Variants in ANO3 observed in about 807,000 individuals in gnomAD.
The protein encoded by ANO3 is anoctamin-3.
A neutral mutation model predicts 144.8 loss-of-function variants in ANO3; 99 were observed. The ratio of observed to expected loss-of-function variants is 0.68; its 90% CI spans 0.58 to 0.81. The LOEUF (loss-of-function observed/expected upper bound fraction) is 0.81. Among genes scored for constraint, ANO3 ranks in the 30% least tolerant of loss-of-function variants. The pLI is 0.00. For synonymous variants in ANO3, 414 were observed against 392.6 expected (o/e 1.05, Z -0.64); for missense variants, 905 against 1,202.2 (o/e 0.75, Z 3.66).
intron 11 of ANO3, among the ~76,000 whole-genome samples, chr11:26,545,123 A>G (rs371477): frequency 0.71 from 108,036 of 151,838 alleles, 38,739 homozygotes; most frequent in East Asian, 0.84. Context: ...TAAAATTTGT[A>G]ACTACTTATT....
chr11:26,257,117 C>G (rs1853076917), intron 1 of ANO3, among the ~76,000 whole-genome samples: 2 of 151,810 alleles, frequency 1.3e-5, no homozygotes, highest in African/African-American at 4.8e-5. Flanking sequence ...TCATTAATAT[C>G]AATAAATATT....
rs368687328 is a variant in ANO3, at chr11:26,537,445, C to T, written c.1016C>T (p.Ala339Val). 15 of 1,613,432 alleles carry T rather than the reference C, an allele frequency of 9.3e-6. 1 individual carries two copies. The highest frequency in any genetic ancestry group is 8.3e-5 in the Admixed American group (5 of 59,996). Reference sequence around the variant, plus strand: ...ATAAACAATGGCTCATACATAGCAGCGTTTCCACCACATGAGGTAATTTTG... The same window carrying T: ...ATAAACAATGGCTCATACATAGCAGTGTTTCCACCACATGAGGTAATTTTG... ...KLINNGSYIA[A>V]FPPHEGAYKS... The change falls in exon 10 of 27, where the codon GCG (alanine) becomes GTG (valine). Residue 339 changes from alanine (A) to valine (V), a missense_variant. This residue lies in a region of ANO3 where 597 missense variants were observed against 865.1 expected (regional missense o/e 0.69). Transcript: ENST00000256737.
intron 1 of ANO3, among the ~76,000 whole-genome samples, chr11:26,252,177 A>G (rs988770865): frequency 1.3e-5 from 2 of 152,238 alleles, no homozygotes; most frequent in Non-Finnish European, 2.9e-5. Context: ...TGAAAAAGTC[A>G]CGTTATTTAA....
At chr11:26,505,031 AAAAAAAAAG>A (rs1388413282) in intron 4 of ANO3, among the ~76,000 whole-genome samples, 17 of 150,454 alleles carry the variant, frequency 1.1e-4, no homozygotes, top group Middle Eastern at 3.4e-3. Context: ...AAAAAAAAAA[AAAAAAAAAG>A]AAGAGAAAAG....
At chr11:26,428,545 C>T (rs758624166) in intron 1 of ANO3, among the ~76,000 whole-genome samples, 4 of 152,186 alleles carry the variant, frequency 2.6e-5, no homozygotes, top group Non-Finnish European at 2.9e-5. Context: ...TATATCTCAT[C>T]AAACTGTTTG....
At chr11:26,380,900 T>G (rs1856572572) in intron 1 of ANO3, among the ~76,000 whole-genome samples, 1 of 152,136 alleles carries the variant, frequency 6.6e-6, no homozygotes, top group South Asian at 2.1e-4. Context: ...GAGAATCACT[T>G]GAACCCAGGA....
chr11:26,624,445 A>G lies in ANO3; in HGVS notation c.1837-17A>G, dbSNP rs1439936752. 7 of 1,582,280 alleles carry G rather than the reference A, an allele frequency of 4.4e-6. No individual in the cohort carries two copies. In the South Asian group the frequency reaches 5.6e-5, roughly 13 times the overall value. ...AAGAGAGGAATAATGTTCACTATGT[A>G]TTCTCTTTTATTACAGGCTTATGAA... On this transcript the variant is annotated splice_polypyrimidine_tract_variant and intron_variant, in intron 17 of 26. Transcript: ENST00000256737.
At chr11:26,395,794 G>A (rs994455247) in intron 1 of ANO3, among the ~76,000 whole-genome samples, 29 of 151,900 alleles carry the variant, frequency 1.9e-4, no homozygotes, top group Non-Finnish European at 2.5e-4. Flanking sequence ...AAAAATTAAC[G>A]CAAGATAGAT....
At chr11:26,563,990 CATTA>C (rs917424297) in intron 14 of ANO3, among the ~76,000 whole-genome samples, 2 of 151,600 alleles carry the variant, frequency 1.3e-5, no homozygotes, top group African/African-American at 2.4e-5. Flanking sequence ...TTGAAGGACT[CATTA>C]ATTAGGTAGG....
intron 6 of ANO3, among the ~76,000 whole-genome samples, chr11:26,523,737 C>T (rs1428564635): frequency 1.3e-5 from 2 of 152,014 alleles, no homozygotes; most frequent in African/African-American, 4.8e-5. Context: ...TGACTTTCTC[C>T]ATTTTCTTTA....
chr11:26,372,951 C>T (rs954890716), intron 1 of ANO3, among the ~76,000 whole-genome samples: 3 of 151,686 alleles, frequency 2.0e-5, no homozygotes, highest in African/African-American at 7.3e-5. Context: ...AAAAAAAAAT[C>T]CCAAAAATAT....
At chr11:26,642,311 C>A (rs962193403) in intron 22 of ANO3, among the ~76,000 whole-genome samples, 2 of 150,752 alleles carry the variant, frequency 1.3e-5, no homozygotes, top group African/African-American at 4.9e-5. Context: ...TAATGCTGAA[C>A]CAGTTTCTTT....
chr11:26,332,217 TG>T lies in ANO3; in HGVS notation c.-58del. The T allele has an allele frequency of 1.2e-6, 2 of 1,614,050 alleles. No homozygotes were observed. ...CTTGGAGCGTCTAGAGTCTGGCTAC[TG>T]TTCCTCCGCCTCCCTCTCGGGCAGC... On this transcript the variant is annotated 5_prime_UTR_variant, in exon 1 of 27. Transcript: ENST00000256737.
chr11:26,654,197 T>A (rs181555205), intron 24 of ANO3, among the ~76,000 whole-genome samples: 23 of 152,326 alleles, frequency 1.5e-4, no homozygotes, highest in Admixed American at 1.0e-3. Flanking sequence ...TACCATTTTT[T>A]AAAAATTTGA....
At chr11:26,424,122 C>A (rs1857843601) in intron 1 of ANO3, among the ~76,000 whole-genome samples, 1 of 151,836 alleles carries the variant, frequency 6.6e-6, no homozygotes, top group African/African-American at 2.4e-5. Context: ...ACTCGGATTG[C>A]AGCAATAACT....
At position 26,385,903 on chromosome 11, in the gene ANO3, T is replaced by TATATATATATATA. The variant is rs58078292; in HGVS notation, c.46+53582_46+53583insATATATATATATA. The stretch of plus-strand genomic sequence containing the variant: ...AAGTTCTTTGTGTGTGTATATATAT[T>TATATATATATATA]TATATACATATTTACATGTATAAGC... On this transcript the variant is annotated intron_variant, in intron 1 of 26. Coordinates refer to ENST00000256737, the MANE Select transcript of ANO3 (RefSeq NM_031418.4). Among the ~76,000 whole-genome samples the TATATATATATATA allele has an allele frequency of 2.1e-3, 311 of 148,856 alleles. 3 individuals are homozygous for TATATATATATATA. The highest frequency in any genetic ancestry group is 7.2e-3 in the African/African-American group (285 of 39,592).
chr11:26,447,376 G>A (rs1418923301), intron 3 of ANO3, among the ~76,000 whole-genome samples: 1 of 152,054 alleles, frequency 6.6e-6, no homozygotes, highest in African/African-American at 2.4e-5. Context: ...TTTTACAGAT[G>A]AGGAAGCTTA....
chr11:26,555,178 TGA>T (rs1850049422), intron 13 of ANO3, among the ~76,000 whole-genome samples: 1 of 152,088 alleles, frequency 6.6e-6, no homozygotes, highest in South Asian at 2.1e-4. Flanking sequence ...TCCATAAAGA[TGA>T]TAGAGACTTA....
chr11:26,484,872 AGGAGATTATTTT>A (rs954075388), intron 4 of ANO3, among the ~76,000 whole-genome samples: 1 of 152,198 alleles, frequency 6.6e-6, no homozygotes, highest in Non-Finnish European at 1.5e-5. Flanking sequence ...GTGAAGTCAA[AGGAGATTATTTT>A]GGAGATTTAT....
Sources: gnomAD v4.1 joint callset for allele counts (sites outside exome capture counted in the v4.1 genomes callset) on GRCh38, gnomAD v4.1.1 for gene constraint, gnomAD v4.1.1 regional missense constraint, MANE v1.5 for transcripts, NCBI Gene and HGNC (gene_info 2026-07-23, HGNC 2026-07-21) for gene names.